The following SLCO4C1 variants were observed in gnomAD, a reference collection of about 807,000 sequenced individuals.
The protein encoded by SLCO4C1 is organic anion transporter M1.
SLCO4C1 carries 58 observed loss-of-function variants against 72.1 expected under a neutral mutation model. That is an observed-to-expected ratio of 0.80 (90% CI 0.65 to 1.00). SLCO4C1 has a LOEUF of 1.00. Ranked by LOEUF, SLCO4C1 falls within the 50% of genes least tolerant of loss-of-function variation. SLCO4C1 has a pLI of 0.00. For synonymous variants in SLCO4C1, 297 were observed against 312.5 expected, an observed-to-expected ratio of 0.95 and a Z score of 0.52; for missense variants, 898 against 857.9, an observed-to-expected ratio of 1.05 and a Z score of -0.58.
intron 3 of SLCO4C1, among the ~76,000 whole-genome samples, chr5:102,270,088 T>C (rs918033975): frequency 5.3e-5 from 8 of 152,182 alleles, no homozygotes; most frequent in Non-Finnish European, 1.0e-4. Flanking sequence ...AAAACTCATA[T>C]GCAAATAAAG....
At chr5:102,285,120 T>C (rs1749425608) in intron 2 of SLCO4C1, among the ~76,000 whole-genome samples, 1 of 151,934 alleles carries the variant, frequency 6.6e-6, no homozygotes, top group Non-Finnish European at 1.5e-5. Flanking sequence ...AAAATATTGA[T>C]TGAGTCCTAC....
chr5:102,247,037 G>A (rs1228333204), intron 10 of SLCO4C1, among the ~76,000 whole-genome samples: 2 of 152,086 alleles, frequency 1.3e-5, no homozygotes, highest in African/African-American at 4.8e-5. Flanking sequence ...AGCCAGGCAG[G>A]CAATGTGAAG....
chr5:102,285,341 G>A (rs770070656), intron 2 of SLCO4C1, among the ~76,000 whole-genome samples: 10 of 152,130 alleles, frequency 6.6e-5, no homozygotes, highest in Non-Finnish European at 1.2e-4. Context: ...CTGGAGTGCA[G>A]TGTCCCGATC....
chr5:102,288,927 C>T (rs926330081), intron 2 of SLCO4C1, among the ~76,000 whole-genome samples: 2 of 152,110 alleles, frequency 1.3e-5, no homozygotes, highest in Non-Finnish European at 2.9e-5. Flanking sequence ...TATTTCTTCC[C>T]ACTAGTACAT....
At chr5:102,239,733 A>G (rs544432668) in intron 11 of SLCO4C1, among the ~76,000 whole-genome samples, 7 of 152,078 alleles carry the variant, frequency 4.6e-5, no homozygotes, top group Non-Finnish European at 7.4e-5. Flanking sequence ...AAATCAAAAT[A>G]AATTATTCAT....
intron 1 of SLCO4C1, among the ~76,000 whole-genome samples, chr5:102,295,580 C>A (rs181776338): frequency 8.5e-4 from 130 of 152,304 alleles, no homozygotes; most frequent in African/African-American, 2.9e-3. Context: ...AATAAACTCC[C>A]CAGGGTATAC....
chr5:102,264,725 T>A (rs1247828896), intron 3 of SLCO4C1, among the ~76,000 whole-genome samples: 1 of 152,030 alleles, frequency 6.6e-6, no homozygotes, highest in Non-Finnish European at 1.5e-5. Context: ...CAGAATTTAT[T>A]TCTCCTAACT....
chr5:102,258,837 G>A (rs557397849), intron 6 of SLCO4C1, among the ~76,000 whole-genome samples: 1 of 151,098 alleles, frequency 6.6e-6, no homozygotes, highest in Non-Finnish European at 1.5e-5. Flanking sequence ...CTGACAAAAG[G>A]AGGAAAAAGT....
At chr5:102,292,209 T>A (rs1263418383) in intron 1 of SLCO4C1, among the ~76,000 whole-genome samples, 1 of 152,190 alleles carries the variant, frequency 6.6e-6, no homozygotes, top group Non-Finnish European at 1.5e-5. Context: ...TATAGTTAAC[T>A]AGCCTTAATT....
intron 2 of SLCO4C1, among the ~76,000 whole-genome samples, chr5:102,290,374 G>A (rs1749530137): frequency 6.6e-6 from 1 of 152,088 alleles, no homozygotes; most frequent in South Asian, 2.1e-4. Flanking sequence ...CAGTTTTGTT[G>A]GGAACAAACA....
At chr5:102,260,548 T>A (rs924294494) in intron 5 of SLCO4C1, among the ~76,000 whole-genome samples, 2 of 151,790 alleles carry the variant, frequency 1.3e-5, no homozygotes, top group Non-Finnish European at 2.9e-5. Context: ...TCCATGTCTG[T>A]AATCAGGATG....
rs570861889 is a variant in SLCO4C1, at chr5:102,234,979, G to A, written c.*1879C>T. On this transcript the variant is annotated 3_prime_UTR_variant, in exon 13 of 13. Coordinates refer to ENST00000310954, the MANE Select transcript of SLCO4C1 (RefSeq NM_180991.5). ...ATCTGGATTTTTGGCTACCTATTTG[G>A]CTTCCGTCTTTGGTGTTTATATCTG... The A allele has an allele frequency of 9.9e-5, 15 of 152,114 alleles. No homozygotes were observed. Among genetic ancestry groups the A allele is most frequent in the African/African-American group, 3.6e-4 (15 of 41,490 alleles). 9.4% of individuals were successfully genotyped at this position (152,114 alleles called of 1,614,324 possible).
At chr5:102,275,465 A>C (rs1347953781) in intron 2 of SLCO4C1, among the ~76,000 whole-genome samples, 1 of 152,218 alleles carries the variant, frequency 6.6e-6, no homozygotes. Context: ...CTATACTGTA[A>C]AAGTATGTAT....
intron 3 of SLCO4C1, among the ~76,000 whole-genome samples, chr5:102,266,310 G>T (rs982440975): frequency 1.3e-5 from 2 of 152,068 alleles, no homozygotes; most frequent in African/African-American, 4.8e-5. Context: ...TCTTGCCTAA[G>T]TGCTCTGAAT....
At chr5:102,291,261 A>C in intron 2 of SLCO4C1, 82 bp downstream of exon 2, 1 of 1,412,070 alleles carries the variant, frequency 7.1e-7, no homozygotes, top group Non-Finnish European at 9.7e-7. Flanking sequence ...ATACTGTGTA[A>C]GTGAATTGCA....
chr5:102,266,160 T>G (rs1027046874), intron 3 of SLCO4C1, among the ~76,000 whole-genome samples: 2 of 152,202 alleles, frequency 1.3e-5, no homozygotes, highest in Non-Finnish European at 2.9e-5. Context: ...CTTTGTACCC[T>G]GAAACTTCAC....
chr5:102,268,340 T>C (rs1056880103), intron 3 of SLCO4C1, among the ~76,000 whole-genome samples: 11 of 152,186 alleles, frequency 7.2e-5, no homozygotes, highest in Admixed American at 2.0e-4. Flanking sequence ...GGTGAATTTG[T>C]AATTGTAAAA....
chr5:102,267,149 G>A (rs1375184687), intron 3 of SLCO4C1, among the ~76,000 whole-genome samples: 1 of 152,086 alleles, frequency 6.6e-6, no homozygotes, highest in Non-Finnish European at 1.5e-5. Flanking sequence ...GAATAAGTTA[G>A]GAAGAATTCT....
rs1342986724 is a variant in SLCO4C1 at position 102,234,238 on chromosome 5, A to AAGCTT, written c.*2615_*2619dup. 6.6e-6 allele frequency: 1 copy of AAGCTT among 152,632 alleles called. No homozygotes were observed. Among genetic ancestry groups the AAGCTT allele is most frequent in the Non-Finnish European group, 1.5e-5 (1 of 68,010 alleles). 9.5% of individuals were successfully genotyped at this position (152,632 alleles called of 1,614,324 possible). A position where few individuals can be genotyped will look rare whatever the true frequency, so the allele number is the denominator to read the frequency against. On this transcript the variant is annotated 3_prime_UTR_variant, in exon 13 of 13. Coordinates refer to ENST00000310954, the MANE Select transcript of SLCO4C1 (RefSeq NM_180991.5). Reference sequence around the variant, plus strand: ...CAATTACAATGTCAATTTATAAGTCAAGCTTACTTAACAATCATAAATTAC... The same window carrying AAGCTT: ...CAATTACAATGTCAATTTATAAGTCAAGCTTAGCTTACTTAACAATCATAAATTAC...
Sources: allele counts gnomAD v4.1 joint callset (sites outside exome capture counted in the v4.1 genomes callset), GRCh38; gene constraint gnomAD v4.1.1; transcripts MANE v1.5; gene names NCBI Gene and HGNC (gene_info 2026-07-23, HGNC 2026-07-21).